Variants in GAD2 observed in about 807,000 individuals in gnomAD.
GAD2 encodes the protein 65 kDa glutamic acid decarboxylase.
A neutral mutation model predicts 80.1 loss-of-function variants in GAD2; 22 were observed. The observed-to-expected ratio is 0.27, with a 90% CI of 0.20 to 0.39. The LOEUF (loss-of-function observed/expected upper bound fraction) is 0.39, where lower values mean the gene tolerates loss of function less well. Ranked by LOEUF, GAD2 falls within the 10% of genes least tolerant of loss-of-function variation. The pLI, the probability that GAD2 is intolerant of heterozygous loss-of-function variation, is 1.00. For missense variants in GAD2, 624 were observed against 738.4 expected, an observed-to-expected ratio of 0.85 and a Z score of 1.80; for synonymous variants, 274 against 256.9, an observed-to-expected ratio of 1.07 and a Z score of -0.64.
chr10:26,239,160 A>G (rs1241446453), intron 7 of GAD2, among the ~76,000 whole-genome samples: 1 of 152,228 alleles, frequency 6.6e-6, no homozygotes, highest in Admixed American at 6.5e-5. Flanking sequence ...GCCTGAGGAC[A>G]ATTGGTCAAT....
At chr10:26,258,814 T>A (rs1288578284) in intron 8 of GAD2, among the ~76,000 whole-genome samples, 2 of 59,640 alleles carry the variant, frequency 3.4e-5, no homozygotes, top group East Asian at 4.8e-4. Flanking sequence ...TTCCACCAAT[T>A]TTTTTTTTTT....
At chr10:26,218,537 T>G (rs1005974963) in intron 3 of GAD2, among the ~76,000 whole-genome samples, 4 of 84,806 alleles carry the variant, frequency 4.7e-5, no homozygotes, top group African/African-American at 1.1e-4. Flanking sequence ...ATGCATACGC[T>G]CTCTCTCTCT....
rs868807723 is a variant in GAD2, at chr10:26,302,435, T to C, written c.*1474T>C. ...CATCCTTCTTTCCCTGTGAACCTGA[T>C]AGAAAAACATGAGCTAACAAAAGCT... On this transcript the variant is annotated 3_prime_UTR_variant, in exon 16 of 16. Transcript: ENST00000376261. 1 of 152,164 alleles carries C rather than the reference T, an allele frequency of 6.6e-6. No homozygotes were observed. The highest frequency in any genetic ancestry group is 2.1e-4 in the South Asian group (1 of 4,826). 9.4% of individuals were successfully genotyped at this position (152,164 alleles called of 1,614,324 possible). A position where few individuals can be genotyped will look rare whatever the true frequency, so the allele number is the denominator to read the frequency against.
At chr10:26,280,458 G>A (rs553963888) in intron 11 of GAD2, among the ~76,000 whole-genome samples, 218 of 152,234 alleles carry the variant, frequency 1.4e-3, no homozygotes, top group Non-Finnish European at 2.4e-3. Context: ...AACTGGGGAG[G>A]GGCCTTCCAG....
intron 8 of GAD2, among the ~76,000 whole-genome samples, chr10:26,255,658 A>G (rs1452961431): frequency 7.2e-6 from 1 of 139,452 alleles, no homozygotes; most frequent in East Asian, 2.4e-4. Flanking sequence ...GGGAGGGGGA[A>G]GGGGAAGGAA....
At chr10:26,243,316 A>G (rs566070862) in intron 7 of GAD2, among the ~76,000 whole-genome samples, 1 of 152,320 alleles carries the variant, frequency 6.6e-6, no homozygotes, top group Admixed American at 6.5e-5. Context: ...CTAAAAATAC[A>G]TGTGTTAAGA....
intron 7 of GAD2, among the ~76,000 whole-genome samples, chr10:26,232,469 CT>C (rs60636223): frequency 0.04 from 4,080 of 101,396 alleles, 117 homozygotes; most frequent in African/African-American, 0.14. Context: ...ACTCAGTCTA[CT>C]TTTTTTTTTT....
intron 7 of GAD2, among the ~76,000 whole-genome samples, chr10:26,233,297 C>G (rs1589139138): frequency 6.6e-6 from 1 of 152,224 alleles, no homozygotes; most frequent in African/African-American, 2.4e-5. Flanking sequence ...GACTTAACAT[C>G]TTATACCTTC....
chr10:26,273,560 C>A, intron 10 of GAD2, 76 bp from the exon 11 acceptor site: 1 of 1,257,454 alleles, frequency 8.0e-7, no homozygotes, highest in Non-Finnish European at 1.2e-6. Context: ...ATCATTTTCA[C>A]CTAGAAAGAC....
intron 4 of GAD2, 143 bp from the exon 5 acceptor site, chr10:26,223,744 C>T (rs779403611): frequency 7.2e-6 from 4 of 554,828 alleles, no homozygotes; most frequent in African/African-American, 1.9e-5. Context: ...TGCATACACA[C>T]GTGTGTACAT....
At chr10:26,244,195 A>G (rs1255436939) in intron 7 of GAD2, among the ~76,000 whole-genome samples, 1 of 152,230 alleles carries the variant, frequency 6.6e-6, no homozygotes, top group Non-Finnish European at 1.5e-5. Context: ...GCCATCTCTC[A>G]TTCATTAGGA....
In GAD2 at chr10:26,302,652, C is replaced by T. The variant is rs1219612015; in HGVS notation, c.*1691C>T. On this transcript the variant is annotated 3_prime_UTR_variant, in exon 16 of 16. Transcript: ENST00000376261. ...CCTGCCCTTCAACGGGTAGAAATGC[C>T]CTACAATATAACATAGAGAAATGCC... 5.3e-5 allele frequency: 8 copies of T among 152,258 alleles called. No homozygotes were observed. The East Asian group carries it at 9.7e-4, about 18-fold the overall frequency. The allele number at this position is 152,258 out of a possible 1,614,324, so 9.4% of individuals were successfully genotyped here.
chr10:26,228,533 C>G (rs1158468515), intron 6 of GAD2, among the ~76,000 whole-genome samples: 1 of 152,142 alleles, frequency 6.6e-6, no homozygotes, highest in African/African-American at 2.4e-5. Flanking sequence ...ACAGGGGTCC[C>G]CAACCCCCTG....
At position 26,217,875 on chromosome 10, in the gene GAD2, A is replaced by C. The variant is rs1564654114; in HGVS notation, c.170A>C (p.Glu57Ala). 1 of 1,607,594 alleles carries C rather than the reference A, an allele frequency of 6.2e-7. No individual in the cohort carries two copies. The highest frequency in any genetic ancestry group is 8.5e-7 in the Non-Finnish European group (1 of 1,177,214). The stretch of plus-strand genomic sequence containing the variant: ...TACGGAGACGCCGAGAAGCCGGCGG[A>C]GAGCGGCGGGAGCCAACCCCCGCGG... ...LLYGDAEKPA[E>A]SGGSQPPRAA... The change falls in exon 3 of 16, where the codon GAG becomes GCG. Residue 57 changes from glutamate (E) to alanine (A), a missense_variant. By Grantham distance (107) the Glu-to-Ala change is moderately radical. Coordinates refer to ENST00000376261, the MANE Select transcript of GAD2 (RefSeq NM_001134366.2). This position sits in a 1 kb window ranked among gnomAD's most constrained non-coding sequence, Gnocchi z 4.9.
chr10:26,295,383 G>A (rs1834261964), intron 15 of GAD2, among the ~76,000 whole-genome samples: 1 of 152,114 alleles, frequency 6.6e-6, no homozygotes, highest in African/African-American at 2.4e-5. Flanking sequence ...AGAACCACAT[G>A]AATACCAAGT....
Position 26,216,868 on chromosome 10 carries a change from C to T in GAD2, c.59C>T (p.Ser20Phe), listed in dbSNP as rs769669694. The T allele has an allele frequency of 6.2e-7, 1 of 1,611,264 alleles. No homozygotes were observed. The highest frequency in any genetic ancestry group is 8.5e-7 in the Non-Finnish European group (1 of 1,178,884). Residue 20 changes from serine (S) to phenylalanine (F), a missense_variant, in exon 1 of 16, where the codon TCC (serine) becomes TTC (phenylalanine). Coordinates refer to ENST00000376261, the MANE Select transcript of GAD2 (RefSeq NM_001134366.2). This position sits in a 1 kb window ranked among gnomAD's most constrained non-coding sequence, Gnocchi z 4.7. ...GGGTCGGAAGATGGCTCTGGGGATT[C>T]CGAGAATCCCGGCACAGGTAGGAAG... ...SFGSEDGSGD[S>F]ENPGTARAWC...
At chr10:26,237,988 C>T (rs919918998) in intron 7 of GAD2, among the ~76,000 whole-genome samples, 1 of 145,118 alleles carries the variant, frequency 6.9e-6, no homozygotes, top group South Asian at 2.2e-4. Flanking sequence ...GGTGACAGGG[C>T]GAGACTCCAT....
At chr10:26,249,523 C>T (rs115688288) in intron 8 of GAD2, among the ~76,000 whole-genome samples, 1,872 of 152,322 alleles carry the variant, frequency 0.012, 47 homozygotes, top group African/African-American at 0.043. Context: ...CCTAGAGGGC[C>T]GTGGCCCGCT....
intron 7 of GAD2, among the ~76,000 whole-genome samples, chr10:26,233,161 G>T (rs1470562890): frequency 1.3e-5 from 2 of 152,322 alleles, no homozygotes; most frequent in African/African-American, 4.8e-5. Flanking sequence ...TAGCTAGGTA[G>T]GTAGAGCCAA....
Sources: gnomAD v4.1 joint callset for allele counts (sites outside exome capture counted in the v4.1 genomes callset) on GRCh38, gnomAD v4.1.1 for gene constraint, Gnocchi (gnomAD v3.1) non-coding constraint, MANE v1.5 for transcripts, NCBI Gene and HGNC (gene_info 2026-07-23, HGNC 2026-07-21) for gene names.